Variants in FAM193A observed in about 807,000 individuals in gnomAD.
FAM193A encodes the protein family with sequence similarity 193 member A, also known as protein FAM193A.
A neutral mutation model predicts 126.5 loss-of-function variants in FAM193A; 22 were observed. That is an observed-to-expected ratio of 0.17 (90% confidence interval 0.12 to 0.25). The LOEUF (loss-of-function observed/expected upper bound fraction) is 0.25, where lower values mean the gene tolerates loss of function less well. Ranked by LOEUF, FAM193A falls within the 10% of genes least tolerant of loss-of-function variation. The pLI, the probability that FAM193A is intolerant of heterozygous loss-of-function variation, is 1.00. For missense variants in FAM193A, 1,675 were observed against 1,672.8 expected (o/e 1.00, Z -0.02); for synonymous variants, 761 against 646.8 (o/e 1.18, Z -2.68).
At chr4:2,693,968 C>T in intron 16 of FAM193A, 94 bp downstream of exon 16, 2 of 1,340,298 alleles carry the variant, frequency 1.5e-6, no homozygotes, top group Admixed American at 4.0e-5. Context: ...TGGGACCATG[C>T]AGTGGAAAAG....
chr4:2,618,664 C>T (rs1229489343), intron 2 of FAM193A, among the ~76,000 whole-genome samples: 3 of 141,660 alleles, frequency 2.1e-5, no homozygotes, highest in South Asian at 2.2e-4. Flanking sequence ...GGTGTGATCT[C>T]GTCTCACTGC....
At chr4:2,715,435 T>A (rs1719435732) in intron 19 of FAM193A, 1 of 890,846 alleles carries the variant, frequency 1.1e-6, no homozygotes, top group South Asian at 5.1e-5. Context: ...GGTGACAGAA[T>A]GAGACTTCAT....
chr4:2,690,710 T>C lies in FAM193A; in HGVS notation c.2543T>C (p.Leu848Ser). The C allele has an allele frequency of 6.2e-7, 1 of 1,611,648 alleles. No homozygotes were observed. The highest frequency in any genetic ancestry group is 8.5e-7 in the Non-Finnish European group (1 of 1,179,246). The change falls in exon 15 of 21, where the codon TTA (leucine) becomes TCA (serine). Residue 848 changes from leucine to serine, a missense_variant. Physicochemically the swap from Leu to Ser is moderately radical, Grantham distance 145 (BLOSUM62 -2). Transcript: ENST00000637812. ...LPDTISGSEI[L>S]GPTLSETRPE... ...TTCTTCTTTGAAGGGAGTGAAATAT[T>C]AGGGCCAACACTCTCAGAAACAAGA...
intron 2 of FAM193A, among the ~76,000 whole-genome samples, chr4:2,624,486 A>G (rs1742766939): frequency 6.6e-6 from 1 of 152,160 alleles, no homozygotes; most frequent in African/African-American, 2.4e-5. Flanking sequence ...CAGAGCAGGC[A>G]GTGCAGGCTA....
intron 19 of FAM193A, among the ~76,000 whole-genome samples, chr4:2,707,286 T>A (rs1049233678): frequency 1.3e-5 from 2 of 152,238 alleles, no homozygotes; most frequent in Non-Finnish European, 2.9e-5. Flanking sequence ...AGGAATATTT[T>A]AAATTTTCTC....
At chr4:2,602,214 T>TAAA (rs34232840) in intron 2 of FAM193A, among the ~76,000 whole-genome samples, 2 of 148,098 alleles carry the variant, frequency 1.4e-5, no homozygotes, top group African/African-American at 4.9e-5. Flanking sequence ...GAATGTGATT[T>TAAA]AAAAAAAAAA....
chr4:2,663,288 G>A lies in FAM193A; in HGVS notation c.2079G>A (p.Gln693=). 4.5e-6 allele frequency: 7 copies of A among 1,556,880 alleles called. No individual in the cohort carries two copies. Among genetic ancestry groups the A allele is most frequent in the Non-Finnish European group, 6.1e-6 (7 of 1,153,466 alleles). The change falls in exon 12 of 21, where the codon CAG becomes CAA. Residue 693 remains glutamine, a splice_region_variant and synonymous_variant. Coordinates refer to ENST00000637812, the MANE Select transcript of FAM193A (RefSeq NM_001366318.2). Reference sequence around the variant, plus strand: ...CACCCCCATCCTACCCAACACAGCAGGTAGGACTTTGCTTGCTGTTTTGCC... The same window carrying A: ...CACCCCCATCCTACCCAACACAGCAAGTAGGACTTTGCTTGCTGTTTTGCC... ...DSPPPSYPTQ[Q]AEQAPNTCEC... is the part of the protein sequence containing the mutation.
intron 1 of FAM193A, among the ~76,000 whole-genome samples, chr4:2,559,440 T>C (rs1738464112): frequency 6.6e-6 from 1 of 152,220 alleles, no homozygotes; most frequent in Non-Finnish European, 1.5e-5. Context: ...TAAATTTTTA[T>C]TTATTTCAGA....
intron 2 of FAM193A, among the ~76,000 whole-genome samples, chr4:2,617,086 T>C (rs1411019582): frequency 2.2e-5 from 3 of 136,560 alleles, no homozygotes; most frequent in Admixed American, 1.5e-4. Context: ...GAGAATTGCT[T>C]GAACTCAGGA....
chr4:2,539,028 C>G (rs747781914), intron 1 of FAM193A, among the ~76,000 whole-genome samples: 1 of 151,990 alleles, frequency 6.6e-6, no homozygotes, highest in Non-Finnish European at 1.5e-5. Flanking sequence ...GTAGCTGGGA[C>G]TACAGGTACC....
chr4:2,543,122 C>G (rs1161333785), intron 1 of FAM193A, among the ~76,000 whole-genome samples: 1 of 151,082 alleles, frequency 6.6e-6, no homozygotes, highest in Non-Finnish European at 1.5e-5. Context: ...GAGTCTCGCT[C>G]TGTCACCCAG....
chr4:2,731,316 C>T (rs914474542), intron 20 of FAM193A, among the ~76,000 whole-genome samples: 15 of 150,900 alleles, frequency 9.9e-5, no homozygotes, highest in Non-Finnish European at 1.8e-4. Flanking sequence ...TGCAGTGAGC[C>T]GAAACTGCCA....
At chr4:2,668,095 A>G (rs1271431250) in intron 12 of FAM193A, among the ~76,000 whole-genome samples, 6 of 152,002 alleles carry the variant, frequency 3.9e-5, no homozygotes, top group East Asian at 1.9e-4. Flanking sequence ...AGTAGAGACA[A>G]GGTCTCCCTG....
At chr4:2,564,089 A>T (rs1578605313) in intron 1 of FAM193A, among the ~76,000 whole-genome samples, 1 of 152,000 alleles carries the variant, frequency 6.6e-6, no homozygotes, top group African/African-American at 2.4e-5. Flanking sequence ...ATTATTTATT[A>T]TATTTGTTTA....
At chr4:2,621,236 C>T (rs1460934001) in intron 2 of FAM193A, among the ~76,000 whole-genome samples, 2 of 152,184 alleles carry the variant, frequency 1.3e-5, no homozygotes, top group Non-Finnish European at 2.9e-5. Context: ...ATTGTACCTA[C>T]CTGCTGGCAG....
chr4:2,710,719 G>C (rs1239879963), intron 19 of FAM193A, among the ~76,000 whole-genome samples: 2 of 151,328 alleles, frequency 1.3e-5, no homozygotes, highest in Non-Finnish European at 2.9e-5. Flanking sequence ...TGTCCAGGCT[G>C]GTCTCAAACT....
chr4:2,686,324 A>AAG (rs1285951865), intron 13 of FAM193A, among the ~76,000 whole-genome samples: 1 of 152,202 alleles, frequency 6.6e-6, no homozygotes, highest in Non-Finnish European at 1.5e-5. Context: ...TTATTCCTCT[A>AAG]AGCTAGACAC....
At chr4:2,594,820 CTTTTTT>C (rs386399069) in intron 1 of FAM193A, among the ~76,000 whole-genome samples, 34 of 62,228 alleles carry the variant, frequency 5.5e-4, no homozygotes, top group South Asian at 2.0e-3. Flanking sequence ...TTTTCTTTTC[CTTTTTT>C]TTTTTTTTTT....
intron 12 of FAM193A, among the ~76,000 whole-genome samples, chr4:2,664,266 G>T (rs758262337): frequency 1.2e-4 from 19 of 152,152 alleles, no homozygotes; most frequent in Non-Finnish European, 2.5e-4. Flanking sequence ...TAGTTATTGT[G>T]AGGTGAGGAT....
Sources: allele counts gnomAD v4.1 joint callset (sites outside exome capture counted in the v4.1 genomes callset), GRCh38; gene constraint gnomAD v4.1.1; transcripts MANE v1.5; gene names NCBI Gene and HGNC (gene_info 2026-07-23, HGNC 2026-07-21).